ADGRL1: variants seen among roughly 807,000 people sequenced by gnomAD.
ADGRL1 encodes the protein CIRL-1.
ADGRL1 carries 31 observed loss-of-function variants against 148.9 expected under a neutral mutation model. The ratio of observed to expected loss-of-function variants is 0.21; its 90% CI spans 0.16 to 0.28. ADGRL1 has a LOEUF of 0.28. Among genes scored for constraint, ADGRL1 ranks in the 10% least tolerant of loss-of-function variants. ADGRL1 has a pLI of 1.00. For missense variants in ADGRL1, 1,521 were observed against 2,058.8 expected, an observed-to-expected ratio of 0.74 and a Z score of 5.05; for synonymous variants, 937 against 900.3, an observed-to-expected ratio of 1.04 and a Z score of -0.73.
chr19:14,205,450 G>A (rs1009056725), intron 1 of ADGRL1, among the ~76,000 whole-genome samples: 6 of 151,860 alleles, frequency 4.0e-5, no homozygotes, highest in African/African-American at 1.2e-4. Context: ...CTGCCTCCCA[G>A]AGAAAAACAA....
chr19:14,195,029 C>A (rs1290370838), intron 1 of ADGRL1, among the ~76,000 whole-genome samples: 1 of 151,954 alleles, frequency 6.6e-6, no homozygotes, highest in Non-Finnish European at 1.5e-5. Flanking sequence ...GGACTACAGG[C>A]ACACAAAACC....
chr19:14,191,696 CTTTTT>C (rs202173891), intron 1 of ADGRL1, among the ~76,000 whole-genome samples: 1 of 143,988 alleles, frequency 6.9e-6, no homozygotes, highest in African/African-American at 2.5e-5. Flanking sequence ...CTGTCTCTCT[CTTTTT>C]TTTTTTTTTT....
Position 14,155,979 on chromosome 19 carries a change from T to C in ADGRL1, c.3125+131A>G, listed in dbSNP as rs1026250187. 22 of 688,684 alleles carry C rather than the reference T, an allele frequency of 3.2e-5. No individual in the cohort carries two copies. The highest frequency in any genetic ancestry group is 4.7e-5 in the Non-Finnish European group (18 of 383,454). 42.7% of individuals were successfully genotyped at this position (688,684 alleles called of 1,614,324 possible). On this transcript the variant is annotated intron_variant, in intron 17 of 22. Coordinates refer to ENST00000361434, the MANE Select transcript of ADGRL1 (RefSeq NM_014921.5). This position sits in a 1 kb window ranked among gnomAD's most constrained non-coding sequence, Gnocchi z 5.0. Reference sequence around the variant, plus strand: ...TAGTGAACACAATAGAACACCCCTGTTGGTACTTAAAATTGCAATGTGTGT... The same window carrying C: ...TAGTGAACACAATAGAACACCCCTGCTGGTACTTAAAATTGCAATGTGTGT...
chr19:14,204,869 G>T (rs1568248938), intron 1 of ADGRL1, among the ~76,000 whole-genome samples: 1 of 152,082 alleles, frequency 6.6e-6, no homozygotes, highest in Admixed American at 6.5e-5. Context: ...CTCTGAGTCC[G>T]GTGGAAGCCA....
At chr19:14,170,503 C>T (rs1970373899) in intron 4 of ADGRL1, 179 bp downstream of exon 4, 1 of 544,156 alleles carries the variant, frequency 1.8e-6, no homozygotes, top group African/African-American at 1.9e-5. Context: ...GGAGCAGGCA[C>T]TGAGTGTGGA....
chr19:14,164,612 C>A (rs1969773949), intron 4 of ADGRL1: 1 of 152,020 alleles, frequency 6.6e-6, no homozygotes, highest in Non-Finnish European at 1.5e-5. Context: ...GGCCCGGACC[C>A]CGATTTACCT....
intron 1 of ADGRL1, among the ~76,000 whole-genome samples, chr19:14,195,355 A>G (rs1252330567): frequency 6.6e-6 from 1 of 151,764 alleles, no homozygotes; most frequent in Non-Finnish European, 1.5e-5. Context: ...GGGGAGAGCA[A>G]CAGGAGGAGA....
Position 14,161,241 on chromosome 19 carries a change from C to T in ADGRL1, c.1510+71G>A. The stretch of plus-strand genomic sequence containing the variant: ...GCTCCGCAGTAGAGACCCCCACCCA[C>T]ACATGCATCTGTGCTAAGCTGCTGG... On this transcript the variant is annotated intron_variant, in intron 6 of 22. Transcript: ENST00000361434. This position sits in a 1 kb window ranked among gnomAD's most constrained non-coding sequence, Gnocchi z 4.4. 1 of 1,395,342 alleles carries T rather than the reference C, an allele frequency of 7.2e-7. No individual in the cohort carries two copies. The highest frequency in any genetic ancestry group is 9.5e-7 in the Non-Finnish European group (1 of 1,055,170). 86.4% of individuals were successfully genotyped at this position (1,395,342 alleles called of 1,614,324 possible). A position where few individuals can be genotyped will look rare whatever the true frequency, so the allele number is the denominator to read the frequency against.
intron 1 of ADGRL1, chr19:14,191,185 C>A (rs1032005570): frequency 4.4e-6 from 2 of 456,714 alleles, no homozygotes; most frequent in Admixed American, 4.7e-5. Context: ...TCCAGCCATG[C>A]GGGTTCCCAC....
chr19:14,183,206 A>AGAGAGAGAGAGC (rs1318718435), intron 2 of ADGRL1, among the ~76,000 whole-genome samples: 3 of 149,864 alleles, frequency 2.0e-5, no homozygotes, highest in Non-Finnish European at 1.5e-5. Flanking sequence ...AGAGAGAGAG[A>AGAGAGAGAGAGC]GAGAGAGAGA....
intron 1 of ADGRL1, among the ~76,000 whole-genome samples, chr19:14,193,563 G>C (rs571755748): frequency 6.6e-6 from 1 of 151,902 alleles, no homozygotes; most frequent in Non-Finnish European, 1.5e-5. Context: ...TTCTAGCCTG[G>C]GCAAGAGAGT....
In ADGRL1 at chr19:14,163,497, A is replaced by AGAGAGAGAGAGAGG. The variant is rs1168521164; in HGVS notation, c.395-92_395-91insCCTCTCTCTCTCTC. On this transcript the variant is annotated intron_variant, in intron 4 of 22. Transcript: ENST00000361434. ...GAGAGAGAGAGAGAGAGAGAGAGAG[A>AGAGAGAGAGAGAGG]GGGGGGAGAGAGGCAAGTTGGTCAC... The AGAGAGAGAGAGAGG allele has an allele frequency of 9.7e-6, 7 of 720,770 alleles. No individual in the cohort carries two copies. In the African/African-American group the frequency reaches 1.5e-4, roughly 15 times the overall value. The allele number at this position is 720,770 out of a possible 1,614,324, so 44.6% of individuals were successfully genotyped here. A position where few individuals can be genotyped will look rare whatever the true frequency, so the allele number is the denominator to read the frequency against.
rs1436108454 is a variant in ADGRL1, at chr19:14,152,295, C to T, written c.3649+14G>A. The T allele has an allele frequency of 6.2e-7, 1 of 1,602,896 alleles. No individual in the cohort carries two copies. Among genetic ancestry groups the T allele is most frequent in the Non-Finnish European group, 8.5e-7 (1 of 1,173,146 alleles). On this transcript the variant is annotated intron_variant, in intron 21 of 22. Transcript: ENST00000361434. This position sits in a 1 kb window ranked among gnomAD's most constrained non-coding sequence, Gnocchi z 6.1. The stretch of plus-strand genomic sequence containing the variant: ...TCCATTTCCCAACCTGGGATGTTTC[C>T]CCCGTGCTCTCACCTGGGGAGTTGA...
intron 3 of ADGRL1, among the ~76,000 whole-genome samples, chr19:14,176,078 G>A (rs967749937): frequency 6.6e-5 from 10 of 151,300 alleles, no homozygotes; most frequent in African/African-American, 2.4e-4. Context: ...CAGGCCGGGC[G>A]CAGTGGCTTA....
rs759221246 is a variant in ADGRL1 at position 14,163,422 on chromosome 19, G to A, written c.395-16C>T. 1.8e-5 allele frequency: 27 copies of A among 1,522,454 alleles called. No homozygotes were observed. The highest frequency in any genetic ancestry group is 4.9e-5 in the East Asian group (2 of 40,948). The allele number at this position is 1,522,454 out of a possible 1,614,324, so 94.3% of individuals were successfully genotyped here. On this transcript the variant is annotated splice_polypyrimidine_tract_variant and intron_variant, in intron 4 of 22. Coordinates refer to ENST00000361434, the MANE Select transcript of ADGRL1 (RefSeq NM_014921.5). ...CACACGAAGACTGGGCAGAGTGGGCGGGAGGGGAGGAGGTAGGAGAGAAGG... is the reference window on the plus strand; with the variant it reads ...CACACGAAGACTGGGCAGAGTGGGCAGGAGGGGAGGAGGTAGGAGAGAAGG...
intron 3 of ADGRL1, among the ~76,000 whole-genome samples, chr19:14,175,992 T>TCAA (rs1353215770): frequency 1.4e-5 from 2 of 140,376 alleles, no homozygotes; most frequent in African/African-American, 5.4e-5. Flanking sequence ...AGGTGGAGGT[T>TCAA]GCAATGAGCT....
chr19:14,180,751 G>A (rs1444006402), intron 2 of ADGRL1, among the ~76,000 whole-genome samples: 1 of 152,006 alleles, frequency 6.6e-6, no homozygotes, highest in Non-Finnish European at 1.5e-5. Flanking sequence ...GGGGGTACTT[G>A]CTATGTTGCC....
At chr19:14,191,378 C>A (rs1451677625) in intron 1 of ADGRL1, 4 of 456,680 alleles carry the variant, frequency 8.8e-6, no homozygotes, top group Admixed American at 7.0e-5. Context: ...ACGGGGATAC[C>A]TCAGAGGGCA....
At chr19:14,153,975 AAAAT>A (rs1968478463) in intron 18 of ADGRL1, among the ~76,000 whole-genome samples, 3 of 151,964 alleles carry the variant, frequency 2.0e-5, no homozygotes, top group African/African-American at 4.8e-5. Context: ...AAAACCTAAA[AAAAT>A]AAATAGATCA....
Sources: allele counts gnomAD v4.1 joint callset (sites outside exome capture counted in the v4.1 genomes callset), GRCh38; gene constraint gnomAD v4.1.1; non-coding constraint Gnocchi (gnomAD v3.1); transcripts MANE v1.5; gene names NCBI Gene and HGNC (gene_info 2026-07-23, HGNC 2026-07-21).